Variants in ELK4 observed in about 807,000 individuals in gnomAD.
The protein encoded by ELK4 is ETS domain-containing protein Elk-4.
A neutral mutation model predicts 29.6 loss-of-function variants in ELK4; 16 were observed. That is an observed-to-expected ratio of 0.54 (90% CI 0.37 to 0.82). The LOEUF is 0.82. Ranked by LOEUF, ELK4 falls within the 40% of genes least tolerant of loss-of-function variation. The pLI is 0.00. For synonymous variants in ELK4, 213 were observed against 191.1 expected, an observed-to-expected ratio of 1.11 and a Z score of -0.95; for missense variants, 465 against 507.1, an observed-to-expected ratio of 0.92 and a Z score of 0.80.
chr1:205,619,406 C>A (rs1381300816), intron 3 of ELK4: 1 of 1,057,594 alleles, frequency 9.5e-7, no homozygotes, highest in Non-Finnish European at 1.1e-6. Context: ...AAAGTCTTTT[C>A]CAAATAGAAA....
intron 1 of ELK4, chr1:205,626,229 A>C: frequency 1.9e-6 from 1 of 538,186 alleles, no homozygotes. Context: ...TCCTCCTCCA[A>C]GCTCAAACAC....
At chr1:205,631,005 TCAA>T (rs1670572314) in intron 1 of ELK4, among the ~76,000 whole-genome samples, 1 of 152,184 alleles carries the variant, frequency 6.6e-6, no homozygotes, top group Non-Finnish European at 1.5e-5. Context: ...ACTACTTCAG[TCAA>T]CAACATCCCT....
rs112090601 is a variant in ELK4 at position 205,610,458 on chromosome 1, A to C, written c.*6088T>G. The C allele has an allele frequency of 2.0e-3, 468 of 230,336 alleles. 1 individual carries two copies. The highest frequency in any genetic ancestry group is 9.8e-3 in the African/African-American group (445 of 45,298). 14.3% of individuals were successfully genotyped at this position (230,336 alleles called of 1,614,324 possible). On this transcript the variant is annotated 3_prime_UTR_variant, in exon 5 of 5. Coordinates refer to ENST00000357992, the MANE Select transcript of ELK4 (RefSeq NM_001973.4). Reference sequence around the variant, plus strand: ...TCCAGTATAAACCTCCTCTTTGAGAAACTTACAAACTAATAAAGATTTTAC... The same window carrying C: ...TCCAGTATAAACCTCCTCTTTGAGACACTTACAAACTAATAAAGATTTTAC...
Position 205,608,308 on chromosome 1 carries a change from A to G in ELK4, c.*8238T>C, listed in dbSNP as rs1670103125. 5.1e-6 allele frequency: 1 copy of G among 197,398 alleles called. No homozygotes were observed. The highest frequency in any genetic ancestry group is 1.0e-5 in the Non-Finnish European group (1 of 95,606). The allele number at this position is 197,398 out of a possible 1,614,324, so 12.2% of individuals were successfully genotyped here. ...TTTTTTTTTCAAGCAGCATATTATT[A>G]TAAAGCCCTCAAAGTGCTTTTGCAT... is the stretch of plus-strand genomic sequence containing the variant. On this transcript the variant is annotated 3_prime_UTR_variant, in exon 5 of 5. Transcript: ENST00000357992.
In ELK4 at chr1:205,629,345, G is replaced by C. The variant is rs887828336; in HGVS notation, c.-10+2287C>G. Among the ~76,000 whole-genome samples, 3 of 152,228 alleles carry C rather than the reference G, an allele frequency of 2.0e-5. No individual in the cohort carries two copies. The South Asian group carries it at 6.2e-4, about 32-fold the overall frequency. ...TTCTTTTGATTGAAAAGCAGCCAAC[G>C]TCTTCTTACATAGTTAAGTCAAAAC... On this transcript the variant is annotated intron_variant, in intron 1 of 4. Transcript: ENST00000357992.
intron 1 of ELK4, among the ~76,000 whole-genome samples, chr1:205,630,761 T>C (rs538111024): frequency 9.9e-5 from 15 of 152,224 alleles, no homozygotes; most frequent in Non-Finnish European, 2.1e-4. Context: ...GAAGGGAAAA[T>C]ATTGAATCAT....
intron 4 of ELK4, among the ~76,000 whole-genome samples, chr1:205,617,910 AT>A (rs966830094): frequency 2.5e-4 from 38 of 152,040 alleles, no homozygotes; most frequent in African/African-American, 8.7e-4. Context: ...TCAAAAAAAA[AT>A]TTTTTTTAAT....
At chr1:205,621,441 G>A (rs1330471682) in intron 2 of ELK4, among the ~76,000 whole-genome samples, 1 of 152,164 alleles carries the variant, frequency 6.6e-6, no homozygotes, top group Non-Finnish European at 1.5e-5. Flanking sequence ...TATCTGTGCA[G>A]ATTAGAACTC....
intron 2 of ELK4, among the ~76,000 whole-genome samples, chr1:205,621,682 G>A (rs1670352761): frequency 6.6e-6 from 1 of 151,978 alleles, no homozygotes; most frequent in Admixed American, 6.6e-5. Context: ...ACCATGCCCA[G>A]CTAATTTTGT....
Position 205,608,415 on chromosome 1 carries a change from A to T in ELK4, c.*8131T>A. The T allele has an allele frequency of 5.0e-6, 1 of 200,492 alleles. No homozygotes were observed. The highest frequency in any genetic ancestry group is 7.7e-5 in the East Asian group (1 of 12,956). 12.4% of individuals were successfully genotyped at this position (200,492 alleles called of 1,614,324 possible). ...TCAAGACTCTAGCTACAATCATCCTAATCAATCTTAGAGCAATATCCCTTT... is the reference window on the plus strand; with the variant it reads ...TCAAGACTCTAGCTACAATCATCCTTATCAATCTTAGAGCAATATCCCTTT... On this transcript the variant is annotated 3_prime_UTR_variant, in exon 5 of 5. Transcript: ENST00000357992.
chr1:205,628,365 T>C (rs902825813), intron 1 of ELK4, among the ~76,000 whole-genome samples: 3 of 152,222 alleles, frequency 2.0e-5, no homozygotes, highest in African/African-American at 7.2e-5. Flanking sequence ...CTCTAGTAAA[T>C]GTTATCTTAA....
intron 1 of ELK4, among the ~76,000 whole-genome samples, chr1:205,627,818 G>A (rs957198040): frequency 1.3e-5 from 2 of 152,166 alleles, no homozygotes; most frequent in African/African-American, 2.4e-5. Context: ...CACTCAAAAT[G>A]TCCTCCAGTA....
At chr1:205,619,685 A>C in intron 3 of ELK4, 1 of 1,415,600 alleles carries the variant, frequency 7.1e-7, no homozygotes, top group Non-Finnish European at 9.2e-7. Context: ...ACCGAGAGAG[A>C]GCGAGAGAGT....
At position 205,612,952 on chromosome 1, in the gene ELK4, G is replaced by GA. The variant is rs906815877; in HGVS notation, c.*3593dup. 2 of 204,784 alleles carry GA rather than the reference G, an allele frequency of 9.8e-6. No individual in the cohort carries two copies. Among genetic ancestry groups the GA allele is most frequent in the Admixed American group, 6.0e-5 (1 of 16,626 alleles). The allele number at this position is 204,784 out of a possible 1,614,324, so 12.7% of individuals were successfully genotyped here. Reference sequence around the variant, plus strand: ...CAAAATTTCAACTGTCAAAATGTGGGAAAAAATTAAACTCATATTTTAACT... The same window carrying GA: ...CAAAATTTCAACTGTCAAAATGTGGGAAAAAAATTAAACTCATATTTTAACT... On this transcript the variant is annotated 3_prime_UTR_variant, in exon 5 of 5. Transcript: ENST00000357992.
rs1670128272 is a variant in ELK4 at position 205,609,937 on chromosome 1, CAAGA to C, written c.*6605_*6608del. The C allele has an allele frequency of 4.4e-6, 1 of 229,522 alleles. No homozygotes were observed. The highest frequency in any genetic ancestry group is 6.2e-5 in the East Asian group (1 of 16,084). 14.2% of individuals were successfully genotyped at this position (229,522 alleles called of 1,614,324 possible). ...CCCTATAAATTCCAGAAAACATAAA[CAAGA>C]AATAAACCTTACTTCTCTGACCCTC... On this transcript the variant is annotated 3_prime_UTR_variant, in exon 5 of 5. Transcript: ENST00000357992.
chr1:205,624,749 C>T (rs985128683), intron 1 of ELK4, among the ~76,000 whole-genome samples: 1 of 152,112 alleles, frequency 6.6e-6, no homozygotes, highest in Non-Finnish European at 1.5e-5. Flanking sequence ...TAACAGCATA[C>T]CCGGCCTCTA....
At position 205,630,022 on chromosome 1, in the gene ELK4, G is replaced by C. The variant is rs190976842; in HGVS notation, c.-10+1610C>G. Among the ~76,000 whole-genome samples, 737 of 151,940 alleles carry C rather than the reference G, an allele frequency of 4.9e-3. 10 individuals carry two copies. Among genetic ancestry groups the C allele is most frequent in the Non-Finnish European group, 3.5e-3 (240 of 67,972 alleles). ...TGCACTCCAGCCTGGGCAACAGAGT[G>C]AGACCTTGTCTCTAACAAAAACAAA... On this transcript the variant is annotated intron_variant, in intron 1 of 4. Coordinates refer to ENST00000357992, the MANE Select transcript of ELK4 (RefSeq NM_001973.4).
rs914726067 is a variant in ELK4 at position 205,615,003 on chromosome 1, T to C, written c.*1543A>G. 4.8e-6 allele frequency: 1 copy of C among 207,914 alleles called. No homozygotes were observed. Among genetic ancestry groups the C allele is most frequent in the Non-Finnish European group, 9.8e-6 (1 of 102,318 alleles). 12.9% of individuals were successfully genotyped at this position (207,914 alleles called of 1,614,324 possible). On this transcript the variant is annotated 3_prime_UTR_variant, in exon 5 of 5. Transcript: ENST00000357992. Reference sequence around the variant, plus strand: ...TACCATATAGTAATATTTTAAAAATTTGGTAATGTAGAGAATAAGGCCTAC... The same window carrying C: ...TACCATATAGTAATATTTTAAAAATCTGGTAATGTAGAGAATAAGGCCTAC...
At chr1:205,628,396 A>G (rs1670507336) in intron 1 of ELK4, among the ~76,000 whole-genome samples, 1 of 152,216 alleles carries the variant, frequency 6.6e-6, no homozygotes, top group African/African-American at 2.4e-5. Context: ...CAATTTCCAC[A>G]TTTCCAGACA....
Sources: allele counts gnomAD v4.1 joint callset (sites outside exome capture counted in the v4.1 genomes callset), GRCh38; gene constraint gnomAD v4.1.1; transcripts MANE v1.5; gene names NCBI Gene and HGNC (gene_info 2026-07-23, HGNC 2026-07-21).